The following TP63 variants were observed in gnomAD, a reference collection of about 807,000 sequenced individuals.
TP63 encodes tumor protein 63.
TP63 carries 17 observed loss-of-function variants against 82.8 expected under a neutral mutation model. That is an observed-to-expected ratio of 0.21 (90% CI 0.14 to 0.31). The LOEUF (loss-of-function observed/expected upper bound fraction) is 0.31, where lower values mean the gene tolerates loss of function less well. Among genes scored for constraint, TP63 ranks in the 10% least tolerant of loss-of-function variants. The pLI, the probability that TP63 is intolerant of heterozygous loss-of-function variation, is 1.00. For synonymous variants in TP63, 330 were observed against 321.7 expected (o/e 1.03, Z -0.28); for missense variants, 648 against 895.3 (o/e 0.72, Z 3.52).
chr3:189,676,519 G>T (rs1715409485), intron 1 of TP63, among the ~76,000 whole-genome samples: 1 of 151,834 alleles, frequency 6.6e-6, no homozygotes, highest in African/African-American at 2.4e-5. Flanking sequence ...ATTTCAATAT[G>T]TATTTGTATT....
At chr3:189,832,890 T>A (rs1314067278) in intron 4 of TP63, among the ~76,000 whole-genome samples, 1 of 152,232 alleles carries the variant, frequency 6.6e-6, no homozygotes, top group Admixed American at 6.5e-5. Flanking sequence ...GATCCTTGGA[T>A]GCAGAGCACT....
chr3:189,597,394 C>G, the TP63 span, among the ~76,000 whole-genome samples: 2 of 145,492 alleles, frequency 1.4e-5, no homozygotes, highest in Admixed American at 6.8e-5. Context: ...CAGTACCTGA[C>G]AGGTTTAAAG....
At chr3:189,629,698 A>G (rs1339027559), upstream of TP63, among the ~76,000 whole-genome samples, 1 of 152,320 alleles carries the variant, frequency 6.6e-6, no homozygotes, top group African/African-American at 2.4e-5. Context: ...ATCTGCATTA[A>G]CAAGATTTCT....
At chr3:189,794,344 A>G (rs12490153) in intron 3 of TP63, among the ~76,000 whole-genome samples, 10,095 of 152,020 alleles carry the variant, frequency 0.066, 425 homozygotes, top group Admixed American at 0.14. Flanking sequence ...AATACAGGAG[A>G]GATTTTAAGT....
chr3:189,849,769 C>T (rs984528971), intron 4 of TP63, among the ~76,000 whole-genome samples: 4 of 152,046 alleles, frequency 2.6e-5, no homozygotes, highest in African/African-American at 9.7e-5. Flanking sequence ...GAAGCGCGTG[C>T]TCAATAAATA....
At chr3:189,759,839 A>C (rs1722439654) in intron 3 of TP63, among the ~76,000 whole-genome samples, 1 of 152,202 alleles carries the variant, frequency 6.6e-6, no homozygotes, top group Non-Finnish European at 1.5e-5. Context: ...TGGGCAATTT[A>C]CAAAAGAAAG....
intron 3 of TP63, among the ~76,000 whole-genome samples, chr3:189,756,178 TTAAAA>T (rs1206013841): frequency 6.6e-6 from 1 of 152,236 alleles, no homozygotes; most frequent in African/African-American, 2.4e-5. Flanking sequence ...GCTTCTACTA[TTAAAA>T]TAATCATTTA....
At chr3:189,648,347 TTA>T (rs1255987841) in intron 1 of TP63, among the ~76,000 whole-genome samples, 1 of 147,062 alleles carries the variant, frequency 6.8e-6, no homozygotes, top group Non-Finnish European at 1.5e-5. Context: ...TTATTGTTTC[TTA>T]TCTGTCTCTT....
chr3:189,834,888 CT>C (rs10641824), intron 4 of TP63, among the ~76,000 whole-genome samples: 304 of 138,616 alleles, frequency 2.2e-3, no homozygotes, highest in Middle Eastern at 3.8e-3. Flanking sequence ...GGTTTTTTTC[CT>C]TTTTTTTTTT....
At chr3:189,844,766 T>C (rs1401716255) in intron 4 of TP63, among the ~76,000 whole-genome samples, 1 of 152,224 alleles carries the variant, frequency 6.6e-6, no homozygotes, top group Admixed American at 6.5e-5. Context: ...GTCTCAGCGC[T>C]AAGGGTCTTT....
intron 1 of TP63, among the ~76,000 whole-genome samples, chr3:189,698,522 C>T (rs572003694): frequency 1.3e-5 from 2 of 152,176 alleles, no homozygotes; most frequent in Non-Finnish European, 2.9e-5. Context: ...AGCCAGAATG[C>T]CTGTGTTAAC....
intron 1 of TP63, among the ~76,000 whole-genome samples, chr3:189,657,470 GAAAT>G (rs1228216326): frequency 3.3e-5 from 5 of 152,052 alleles, no homozygotes; most frequent in African/African-American, 4.8e-5. Context: ...AGTAACTTTA[GAAAT>G]AAATAGAGAC....
chr3:189,709,084 A>G (rs1718409165), intron 1 of TP63, among the ~76,000 whole-genome samples: 1 of 152,146 alleles, frequency 6.6e-6, no homozygotes, highest in African/African-American at 2.4e-5. Context: ...CTCACTTTTA[A>G]TCCATTATCT....
At chr3:189,665,527 A>G (rs530948929) in intron 1 of TP63, among the ~76,000 whole-genome samples, 24 of 152,212 alleles carry the variant, frequency 1.6e-4, no homozygotes, top group African/African-American at 4.6e-4. Flanking sequence ...TGTTATTGAT[A>G]TTTGCAACTA....
At chr3:189,787,198 T>C (rs758046746) in intron 3 of TP63, among the ~76,000 whole-genome samples, 88 of 152,106 alleles carry the variant, frequency 5.8e-4, no homozygotes, top group Admixed American at 1.5e-3. Flanking sequence ...GCAGCTTGAC[T>C]ACTTCACTTG....
intron 4 of TP63, among the ~76,000 whole-genome samples, chr3:189,861,596 T>A (rs1403684028): frequency 1.3e-5 from 2 of 152,188 alleles, no homozygotes; most frequent in African/African-American, 4.8e-5. Flanking sequence ...CAAAGTTTTT[T>A]CAACTCTATC....
At chr3:189,655,918 A>G (rs763102145) in intron 1 of TP63, among the ~76,000 whole-genome samples, 1 of 152,204 alleles carries the variant, frequency 6.6e-6, no homozygotes, top group Non-Finnish European at 1.5e-5. Context: ...GAATTTTTTC[A>G]TAACCCCACA....
intron 1 of TP63, among the ~76,000 whole-genome samples, chr3:189,710,018 A>G (rs997861364): frequency 6.6e-6 from 1 of 152,196 alleles, no homozygotes; most frequent in Non-Finnish European, 1.5e-5. Flanking sequence ...TAGTAATAGC[A>G]AAAATAGGGG....
intron 3 of TP63, among the ~76,000 whole-genome samples, chr3:189,802,695 G>T (rs1726443149): frequency 6.6e-6 from 1 of 152,128 alleles, no homozygotes; most frequent in Non-Finnish European, 1.5e-5. Flanking sequence ...TGCATCACTA[G>T]GATCCATACA....
Sources: allele counts gnomAD v4.1 joint callset (sites outside exome capture counted in the v4.1 genomes callset), GRCh38; gene constraint gnomAD v4.1.1; transcripts MANE v1.5; gene names NCBI Gene and HGNC (gene_info 2026-07-23, HGNC 2026-07-21).